The following DNAH9 variants were observed in gnomAD, a reference collection of about 807,000 sequenced individuals.
The protein encoded by DNAH9 is dynein axonemal heavy chain 9, also known as DNAH9 variant protein.
A neutral mutation model predicts 471.6 loss-of-function variants in DNAH9; 345 were observed. The ratio of observed to expected loss-of-function variants is 0.73; its 90% CI spans 0.67 to 0.80. The LOEUF (loss-of-function observed/expected upper bound fraction) is 0.80, where lower values mean the gene tolerates loss of function less well. DNAH9 is among the 30% of genes least tolerant of loss of function. DNAH9 has a pLI of 0.00. For synonymous variants in DNAH9, 2,093 were observed against 2,123.6 expected (o/e 0.99, Z 0.40); for missense variants, 5,407 against 5,609.2 (o/e 0.96, Z 1.15).
At position 11,699,876 on chromosome 17, in the gene DNAH9, GC is replaced by G; in HGVS notation, c.5019del (p.Ser1673ArgfsTer4). 1 of 1,614,154 alleles carries G rather than the reference GC, an allele frequency of 6.2e-7. No individual in the cohort carries two copies. Among genetic ancestry groups the G allele is most frequent in the Non-Finnish European group, 8.5e-7 (1 of 1,179,994 alleles). On this transcript the variant is annotated frameshift_variant, in exon 23 of 69. Transcript: ENST00000262442. LOFTEE classifies it high-confidence loss of function. ...GCTTTCAGTGAGCCCTGTGACTGCA[GC>G]GGGCAGGTAACACAGTAGCCCTTTC... is the stretch of plus-strand genomic sequence containing the variant. Reference protein sequence around the residue: ...YVAFSEPCDCSGQVEIWLNHV... With the variant: ...YVAFSEPCDCXGQVEIWLNHV...
chr17:11,720,867 A>G (rs2075044567), intron 27 of DNAH9, among the ~76,000 whole-genome samples: 1 of 152,214 alleles, frequency 6.6e-6, no homozygotes, highest in African/African-American at 2.4e-5. Flanking sequence ...TGATGAACAC[A>G]TTAAGATAAT....
intron 26 of DNAH9, among the ~76,000 whole-genome samples, chr17:11,710,137 T>C (rs572222766): frequency 6.6e-6 from 1 of 152,256 alleles, no homozygotes; most frequent in East Asian, 1.9e-4. Context: ...GATCATATCT[T>C]ATATATAAAA....
chr17:11,810,495 G>T, intron 45 of DNAH9, 126 bp downstream of exon 45: 1 of 1,228,208 alleles, frequency 8.1e-7, no homozygotes. Context: ...AACTGACACA[G>T]CCAAGGACTG....
At chr17:11,722,376 C>T (rs891235577) in intron 27 of DNAH9, among the ~76,000 whole-genome samples, 44 of 151,898 alleles carry the variant, frequency 2.9e-4, no homozygotes, top group African/African-American at 8.5e-4. Flanking sequence ...GGAAGTCAGA[C>T]GAAATGAGAA....
chr17:11,953,792 T>G (rs1597871142), intron 67 of DNAH9: 1 of 142,100 alleles, frequency 7.0e-6, no homozygotes, highest in Non-Finnish European at 1.5e-5. Context: ...TCAATTGAAA[T>G]GAAGCCAGAA....
chr17:11,756,715 C>T (rs370412804), intron 34 of DNAH9, 39 bp downstream of exon 34: 4 of 1,291,694 alleles, frequency 3.1e-6, no homozygotes, highest in Non-Finnish European at 4.5e-6. Flanking sequence ...AGCTACTCCA[C>T]TTAGGGAGGT....
intron 1 of DNAH9, among the ~76,000 whole-genome samples, chr17:11,606,199 A>G (rs532631786): frequency 2.6e-5 from 4 of 152,174 alleles, no homozygotes; most frequent in Non-Finnish European, 5.9e-5. Context: ...GGCAAAGACC[A>G]TCCTCTAGAA....
chr17:11,871,630 G>A lies in DNAH9; in HGVS notation c.10086G>A (p.Trp3362Ter), dbSNP rs1363125359. Reference sequence around the variant, plus strand: ...GACTCGCTTCTGAAAACGTGAGGTGGGCAGATGCCGTGCAGAACTTCAAAC... The same window carrying A: ...GACTCGCTTCTGAAAACGTGAGGTGAGCAGATGCCGTGCAGAACTTCAAAC... ...VGGLASENVR[W>*]ADAVQNFKQQ... The change falls in exon 52 of 69, where the codon TGG (tryptophan) becomes TGA (stop). Residue 3362 changes from tryptophan to a stop codon, truncating the protein, a stop_gained. Transcript: ENST00000262442. LOFTEE classifies it high-confidence loss of function. The A allele has an allele frequency of 6.2e-7, 1 of 1,614,164 alleles. No individual in the cohort carries two copies. Among genetic ancestry groups the A allele is most frequent in the South Asian group, 1.1e-5 (1 of 91,086 alleles).
chr17:11,756,453 A>G, intron 33 of DNAH9, 115 bp from the exon 34 acceptor site: 1 of 700,528 alleles, frequency 1.4e-6, no homozygotes, highest in East Asian at 2.5e-5. Context: ...AAACCATATA[A>G]AGGAAATAAT....
intron 6 of DNAH9, among the ~76,000 whole-genome samples, chr17:11,627,494 C>G (rs2072990594): frequency 6.6e-6 from 1 of 152,216 alleles, no homozygotes; most frequent in Admixed American, 6.5e-5. Context: ...TTTCACAGCA[C>G]AAGTATGACT....
intron 55 of DNAH9, among the ~76,000 whole-genome samples, chr17:11,882,430 T>C (rs1479504910): frequency 6.6e-6 from 1 of 152,192 alleles, no homozygotes; most frequent in African/African-American, 2.4e-5. Context: ...TCTCTTTAAA[T>C]GTGATTAGAT....
intron 35 of DNAH9, among the ~76,000 whole-genome samples, chr17:11,761,451 A>G (rs2150865969): frequency 6.6e-6 from 1 of 152,198 alleles, no homozygotes; most frequent in Admixed American, 6.5e-5. Context: ...CCTCCCCATC[A>G]CTGGAAATCT....
At chr17:11,625,387 A>G in intron 6 of DNAH9, among the ~76,000 whole-genome samples, 1 of 152,098 alleles carries the variant, frequency 6.6e-6, no homozygotes, top group Non-Finnish European at 1.5e-5. Flanking sequence ...GCCTCCTTTC[A>G]TTCTGAGCCG....
chr17:11,797,785 G>A lies in DNAH9; in HGVS notation c.8412G>A (p.Met2804Ile). The A allele has an allele frequency of 6.2e-7, 1 of 1,613,652 alleles. No individual in the cohort carries two copies. The highest frequency in any genetic ancestry group is 1.1e-5 in the South Asian group (1 of 90,962). ...VMDLVLFEDA[M>I]RHVCHINRIL... ...ACCTAGTTCTCTTTGAGGATGCCAT[G>A]CGCCATGTGTAAGTGTGCTTCTCCT... Residue 2804 changes from methionine (M) to isoleucine (I), a missense_variant, in exon 43 of 69, where the codon ATG (methionine) becomes ATA (isoleucine). By Grantham distance (10) the Met-to-Ile change is conservative (BLOSUM62 1). Coordinates refer to ENST00000262442, the MANE Select transcript of DNAH9 (RefSeq NM_001372.4).
In DNAH9 at chr17:11,693,854, A is replaced by G. The variant is rs769827054; in HGVS notation, c.4615-14A>G. On this transcript the variant is annotated splice_polypyrimidine_tract_variant and intron_variant, in intron 20 of 68. Transcript: ENST00000262442. ...TGGAGTGGTGGTTAATTGCTTCCAC[A>G]TTTTTATTTGCAGGATTCTAAAAGG... is the stretch of plus-strand genomic sequence containing the variant. The G allele has an allele frequency of 6.2e-7, 1 of 1,614,070 alleles. No individual in the cohort carries two copies. The highest frequency in any genetic ancestry group is 8.5e-7 in the Non-Finnish European group (1 of 1,179,976).
At chr17:11,707,585 A>T (rs1285877625) in intron 26 of DNAH9, among the ~76,000 whole-genome samples, 4 of 151,650 alleles carry the variant, frequency 2.6e-5, no homozygotes, top group Non-Finnish European at 5.9e-5. Flanking sequence ...GGAAGGGGAG[A>T]GGAGAGTCCG....
chr17:11,603,484 G>C (rs1252322171), intron 1 of DNAH9, among the ~76,000 whole-genome samples: 1 of 152,154 alleles, frequency 6.6e-6, no homozygotes, highest in Non-Finnish European at 1.5e-5. Context: ...TCCGTTGCTA[G>C]AGGTAAACTG....
At chr17:11,690,634 C>T (rs2074318796) in intron 20 of DNAH9, among the ~76,000 whole-genome samples, 198 bp downstream of exon 20, 1 of 151,656 alleles carries the variant, frequency 6.6e-6, no homozygotes, top group African/African-American at 2.4e-5. Flanking sequence ...GAAATGCACA[C>T]CAATCAGTTT....
chr17:11,968,891 A>G (rs1976963306), intron 68 of DNAH9, among the ~76,000 whole-genome samples: 1 of 152,258 alleles, frequency 6.6e-6, no homozygotes, highest in South Asian at 2.1e-4. Flanking sequence ...AGGACATAAC[A>G]AAAGCTTTAA....
Sources: gnomAD v4.1 joint callset for allele counts (sites outside exome capture counted in the v4.1 genomes callset) on GRCh38, gnomAD v4.1.1 for gene constraint, MANE v1.5 for transcripts, NCBI Gene and HGNC (gene_info 2026-07-23, HGNC 2026-07-21) for gene names.